The following ERCC3 variants were observed in gnomAD, a reference collection of about 807,000 sequenced individuals.
The protein encoded by ERCC3 is ERCC excision repair 3, TFIIH core complex helicase subunit.
In ERCC3, 66 loss-of-function variants were observed where a neutral mutation model predicts 94.2. That is an observed-to-expected ratio of 0.70 (90% CI 0.57 to 0.86). The LOEUF is 0.86. Ranked by LOEUF, ERCC3 falls within the 40% of genes least tolerant of loss-of-function variation. ERCC3 has a pLI of 0.00. For missense variants in ERCC3, 829 were observed against 987.1 expected (o/e 0.84, Z 2.15); for synonymous variants, 349 against 369.1 (o/e 0.95, Z 0.63).
In ERCC3 at chr2:127,258,754, G is replaced by A. The variant is rs1189069215; in HGVS notation, c.2217+542C>T. ...AGACCATATATTTACTTGGCCTAGA[G>A]CAGGCATATTTGTAGAATAAATGAA... On this transcript the variant is annotated intron_variant, in intron 14 of 14. Transcript: ENST00000285398. This position sits in a 1 kb window ranked among gnomAD's most constrained non-coding sequence, Gnocchi z 4.1. 6.6e-6 allele frequency among the ~76,000 whole-genome samples: 1 copy of A among 152,218 alleles called. No homozygotes were observed. Among genetic ancestry groups the A allele is most frequent in the Non-Finnish European group, 1.5e-5 (1 of 68,038 alleles).
Position 127,259,740 on chromosome 2 carries a change from C to G in ERCC3, c.2065-292G>C. 1 of 439,290 alleles carries G rather than the reference C, an allele frequency of 2.3e-6. No homozygotes were observed. The highest frequency in any genetic ancestry group is 4.2e-6 in the Non-Finnish European group (1 of 236,050). The allele number at this position is 439,290 out of a possible 1,614,324, so 27.2% of individuals were successfully genotyped here. The stretch of plus-strand genomic sequence containing the variant: ...TGTATGGAAGATCAACAGGAAGAAT[C>G]TTAGTGATTTTAAAAGGCTCCTTCG... On this transcript the variant is annotated intron_variant, in intron 13 of 14. Transcript: ENST00000285398. The surrounding 1 kb of genome is among the most constrained non-coding windows in gnomAD (Gnocchi z 4.9).
intron 7 of ERCC3, among the ~76,000 whole-genome samples, chr2:127,287,346 G>T (rs1339353307): frequency 6.6e-6 from 1 of 152,040 alleles, no homozygotes; most frequent in African/African-American, 2.4e-5. Context: ...AAACCTGGCT[G>T]AGCCACCATG....
At position 127,271,267 on chromosome 2, in the gene ERCC3, A is replaced by G; in HGVS notation, c.1945+69T>C. 1.9e-6 allele frequency: 2 copies of G among 1,077,322 alleles called. No individual in the cohort carries two copies. The highest frequency in any genetic ancestry group is 1.4e-6 in the Non-Finnish European group (1 of 690,338). The allele number at this position is 1,077,322 out of a possible 1,614,324, so 66.7% of individuals were successfully genotyped here. ...AGGGCACATGGCAGCTCTCACCCCT[A>G]TCGTCTTCCTAACTAAAGTGGTTTA... On this transcript the variant is annotated intron_variant, in intron 12 of 14. Coordinates refer to ENST00000285398, the MANE Select transcript of ERCC3 (RefSeq NM_000122.2). The surrounding 1 kb of genome is among the most constrained non-coding windows in gnomAD (Gnocchi z 5.0).
intron 3 of ERCC3, chr2:127,290,591 C>T (rs1685236670): frequency 4.6e-6 from 2 of 433,678 alleles, no homozygotes; most frequent in African/African-American, 2.0e-5. Flanking sequence ...GAAGACCACA[C>T]CAGTATTACT....
At chr2:127,266,709 A>ATTTTTTTTT (rs960627621) in intron 12 of ERCC3, among the ~76,000 whole-genome samples, 18 of 87,320 alleles carry the variant, frequency 2.1e-4, no homozygotes, top group Non-Finnish European at 2.7e-4. Flanking sequence ...ATGATCAATT[A>ATTTTTTTTT]TTTTTTTTTT....
intron 3 of ERCC3, 145 bp from the exon 4 acceptor site, chr2:127,290,418 T>A: frequency 1.4e-6 from 1 of 736,752 alleles, no homozygotes; most frequent in East Asian, 2.7e-5. Flanking sequence ...AGTGGTCAGA[T>A]GTGCCTAAAC....
In ERCC3 at chr2:127,277,559, C is replaced by G. The variant is rs550365114; in HGVS notation, c.1730+1614G>C. Among the ~76,000 whole-genome samples the G allele has an allele frequency of 6.6e-6, 1 of 152,012 alleles. No individual in the cohort carries two copies. The highest frequency in any genetic ancestry group is 2.1e-4 in the South Asian group (1 of 4,824). On this transcript the variant is annotated intron_variant, in intron 10 of 14. Coordinates refer to ENST00000285398, the MANE Select transcript of ERCC3 (RefSeq NM_000122.2). The surrounding 1 kb of genome is among the most constrained non-coding windows in gnomAD (Gnocchi z 5.1). ...ACAAAAATTATCCAGGCTGTGGTGG[C>G]GGGTGCCTGTAGTCCCAGCTACTCA...
At chr2:127,275,382 A>G (rs1250744874) in intron 10 of ERCC3, among the ~76,000 whole-genome samples, 5 of 152,210 alleles carry the variant, frequency 3.3e-5, no homozygotes, top group African/African-American at 1.2e-4. Context: ...ACTACTTCAT[A>G]CATTTAAAGG....
chr2:127,261,272 T>C lies in ERCC3; in HGVS notation c.2020A>G (p.Thr674Ala), dbSNP rs768284835. The C allele has an allele frequency of 3.1e-6, 5 of 1,613,634 alleles. No individual in the cohort carries two copies. Among genetic ancestry groups the C allele is most frequent in the African/African-American group, 1.3e-5 (1 of 74,934 alleles). ...TCTACCAAGAATCTCTGCCGCTTGG[T>C]TGAGTAAGCCATTTCCTGTGTGTCC... Reference protein sequence around the residue: ...SQDTQEMAYSTKRQRFLVDQG... With the variant: ...SQDTQEMAYSAKRQRFLVDQG... Residue 674 changes from threonine (T) to alanine (A), a missense_variant, in exon 13 of 15, where the codon ACC becomes GCC. Transcript: ENST00000285398.
rs1684283379 is a variant in ERCC3, at chr2:127,264,150, G to A, written c.1946-2804C>T. 6.6e-6 allele frequency among the ~76,000 whole-genome samples: 1 copy of A among 152,160 alleles called. No individual in the cohort carries two copies. Among genetic ancestry groups the A allele is most frequent in the African/African-American group, 2.4e-5 (1 of 41,448 alleles). ...ATTTGTTGAGGGTTTTTATCATGAAGGAATGTTGAATTTTATCAAAAGCTC... is the reference window on the plus strand; with the variant it reads ...ATTTGTTGAGGGTTTTTATCATGAAAGAATGTTGAATTTTATCAAAAGCTC... On this transcript the variant is annotated intron_variant, in intron 12 of 14. Coordinates refer to ENST00000285398, the MANE Select transcript of ERCC3 (RefSeq NM_000122.2). The surrounding 1 kb of genome is among the most constrained non-coding windows in gnomAD (Gnocchi z 4.4).
chr2:127,289,005 C>T (rs572330519), intron 6 of ERCC3, 141 bp from the exon 7 acceptor site: 21 of 812,678 alleles, frequency 2.6e-5, no homozygotes, highest in East Asian at 1.5e-4. Context: ...AGTCAACAAC[C>T]GGGATAAAGC....
In ERCC3 at chr2:127,257,546, C is replaced by T. The variant is rs763049905; in HGVS notation, c.*50G>A. ...AAAATGTTATGCTGAAAATCCCTTT[C>T]CAACAAGGGTGCCAAGCGCCGGTCT... On this transcript the variant is annotated 3_prime_UTR_variant, in exon 15 of 15. Transcript: ENST00000285398. This position sits in a 1 kb window ranked among gnomAD's most constrained non-coding sequence, Gnocchi z 5.4. 58 of 1,610,446 alleles carry T rather than the reference C, an allele frequency of 3.6e-5. 1 individual carries two copies. In the South Asian group the frequency reaches 5.7e-4, roughly 16 times the overall value.
chr2:127,271,581 C>A lies in ERCC3; in HGVS notation c.1828-128G>T, dbSNP rs987260124. 2.7e-6 allele frequency: 2 copies of A among 739,802 alleles called. No homozygotes were observed. Among genetic ancestry groups the A allele is most frequent in the African/African-American group, 3.5e-5 (2 of 57,058 alleles). The allele number at this position is 739,802 out of a possible 1,614,324, so 45.8% of individuals were successfully genotyped here. A position where few individuals can be genotyped will look rare whatever the true frequency, so the allele number is the denominator to read the frequency against. On this transcript the variant is annotated intron_variant, in intron 11 of 14. Coordinates refer to ENST00000285398, the MANE Select transcript of ERCC3 (RefSeq NM_000122.2). The surrounding 1 kb of genome is among the most constrained non-coding windows in gnomAD (Gnocchi z 5.0). ...TCTTTTCTCCTCTTTATACCAGGGT[C>A]TATCTGATGCAGGCAGAGAGAGGTG... is the stretch of plus-strand genomic sequence containing the variant.
intron 2 of ERCC3, 71 bp downstream of exon 2, chr2:127,293,442 C>G (rs779065220): frequency 2.3e-4 from 318 of 1,399,588 alleles, no homozygotes; most frequent in Middle Eastern, 1.4e-3. Context: ...AGTTTTGACT[C>G]TGAGGATGCC....
chr2:127,272,401 T>C (rs977955507), intron 11 of ERCC3, among the ~76,000 whole-genome samples: 1 of 152,136 alleles, frequency 6.6e-6, no homozygotes, highest in Non-Finnish European at 1.5e-5. Context: ...CTACAGCTTC[T>C]GATTGCAGAG....
chr2:127,289,641 A>C, intron 5 of ERCC3, 48 bp downstream of exon 5: 1 of 1,613,252 alleles, frequency 6.2e-7, no homozygotes, highest in Non-Finnish European at 8.5e-7. Flanking sequence ...GAGAACTGAA[A>C]TCCTAAATGC....
chr2:127,293,185 T>C (rs1685337100), intron 2 of ERCC3, among the ~76,000 whole-genome samples: 1 of 152,230 alleles, frequency 6.6e-6, no homozygotes, highest in African/African-American at 2.4e-5. Context: ...CTACCGAACA[T>C]GTCTTCCATT....
chr2:127,290,379 C>T (rs1198307281), intron 3 of ERCC3, 106 bp from the exon 4 acceptor site: 2 of 1,001,292 alleles, frequency 2.0e-6, no homozygotes, highest in Non-Finnish European at 1.6e-6. Context: ...GTTCATTTTA[C>T]TTTAGGGAAA....
chr2:127,286,655 T>C, intron 8 of ERCC3, 48 bp downstream of exon 8: 1 of 1,576,954 alleles, frequency 6.3e-7, no homozygotes, highest in Non-Finnish European at 8.7e-7. Flanking sequence ...CAACTGGAAA[T>C]TGGTTTGTCT....
Sources: allele counts gnomAD v4.1 joint callset (sites outside exome capture counted in the v4.1 genomes callset), GRCh38; gene constraint gnomAD v4.1.1; non-coding constraint Gnocchi (gnomAD v3.1); transcripts MANE v1.5; gene names NCBI Gene and HGNC (gene_info 2026-07-23, HGNC 2026-07-21).